Variants in GRM2 observed in about 807,000 individuals in gnomAD.
GRM2 encodes the protein glutamate metabotropic receptor 2, also known as metabotropic glutamate receptor 2.
A neutral mutation model predicts 60.4 loss-of-function variants in GRM2; 35 were observed. The observed-to-expected ratio is 0.58, with a 90% confidence interval of 0.44 to 0.77. The LOEUF is 0.77. Among genes scored for constraint, GRM2 ranks in the 30% least tolerant of loss-of-function variants. GRM2 has a pLI of 0.00. For synonymous variants in GRM2, 437 were observed against 484.1 expected, an observed-to-expected ratio of 0.90 and a Z score of 1.28; for missense variants, 925 against 1,199.5, an observed-to-expected ratio of 0.77 and a Z score of 3.38.
rs774169210 is a variant in GRM2 at position 51,713,081 on chromosome 3, C to T, written c.1059C>T (p.Phe353=). 1 of 1,613,056 alleles carries T rather than the reference C, an allele frequency of 6.2e-7. No individual in the cohort carries two copies. The highest frequency in any genetic ancestry group is 8.5e-7 in the Non-Finnish European group (1 of 1,180,012). ...PWFREFWEQR[F]RCSFRQRDCA... ...TCCGTGAATTCTGGGAGCAGAGGTT[C>T]CGCTGCAGCTTCCGGCAGCGAGACT... Residue 353 remains phenylalanine, a synonymous_variant, in exon 3 of 6, where the codon TTC becomes TTT. Coordinates refer to ENST00000395052, the MANE Select transcript of GRM2 (RefSeq NM_000839.5). This position sits in a 1 kb window ranked among gnomAD's most constrained non-coding sequence, Gnocchi z 4.8.
Position 51,715,992 on chromosome 3 carries a change from C to T in GRM2, c.2219C>T (p.Ala740Val), listed in dbSNP as rs1047004122. 1.5e-5 allele frequency: 24 copies of T among 1,614,102 alleles called. No homozygotes were observed. Among genetic ancestry groups the T allele is most frequent in the South Asian group, 3.3e-5 (3 of 91,088 alleles). The change falls in exon 4 of 6, where the codon GCG becomes GTG. Residue 740 changes from alanine (A) to valine (V), a missense_variant. Ala to Val is a moderately conservative substitution (Grantham distance 64, BLOSUM62 0). Transcript: ENST00000395052. The surrounding 1 kb of genome is among the most constrained non-coding windows in gnomAD (Gnocchi z 9.0). ...GSLAYNVLLI[A>V]LCTLYAFKTR... is the part of the protein sequence containing the mutation. ...CTGGCCTACAATGTGCTCCTCATCG[C>T]GCTCTGCACGCTTTATGCCTTCAAG...
At position 51,718,467 on chromosome 3, in the gene GRM2, C is replaced by A. The variant is rs556537388; in HGVS notation, c.*355C>A. ...GGTGCTTCCAGCCCAGCCCCTCCCC[C>A]CAACTAGGGCCTTTTTTATTTTTTA... is the stretch of plus-strand genomic sequence containing the variant. On this transcript the variant is annotated 3_prime_UTR_variant, in exon 6 of 6. Coordinates refer to ENST00000395052, the MANE Select transcript of GRM2 (RefSeq NM_000839.5). This position sits in a 1 kb window ranked among gnomAD's most constrained non-coding sequence, Gnocchi z 4.2. 7.8e-5 allele frequency: 20 copies of A among 255,170 alleles called. No homozygotes were observed. Among genetic ancestry groups the A allele is most frequent in the East Asian group, 6.9e-4 (8 of 11,520 alleles). 15.8% of individuals were successfully genotyped at this position (255,170 alleles called of 1,614,324 possible). A position where few individuals can be genotyped will look rare whatever the true frequency, so the allele number is the denominator to read the frequency against.
chr3:51,714,427 C>G (rs1703824447), intron 3 of GRM2: 1 of 153,428 alleles, frequency 6.5e-6, no homozygotes, highest in Non-Finnish European at 1.4e-5. Context: ...TAAATCCTGG[C>G]TAGAGCCTGG....
Position 51,716,271 on chromosome 3 carries a change from A to G in GRM2, c.2364+134A>G, listed in dbSNP as rs1264522021. 3.0e-6 allele frequency: 2 copies of G among 656,386 alleles called. No individual in the cohort carries two copies. Among genetic ancestry groups the G allele is most frequent in the African/African-American group, 1.8e-5 (1 of 55,108 alleles). 40.7% of individuals were successfully genotyped at this position (656,386 alleles called of 1,614,324 possible). On this transcript the variant is annotated intron_variant, in intron 4 of 5. Coordinates refer to ENST00000395052, the MANE Select transcript of GRM2 (RefSeq NM_000839.5). The surrounding 1 kb of genome is among the most constrained non-coding windows in gnomAD (Gnocchi z 4.0). The stretch of plus-strand genomic sequence containing the variant: ...ACTCAGGGGACCACAGCTTGTGTGG[A>G]TCCCAAGGGGAAGGTGGGAGGGCTG...
rs1207998527 is a variant in GRM2, at chr3:51,715,098, G to T, written c.1325G>T (p.Arg442Leu). ...FRPADTHNEV[R>L]FDRFGDGIGR... Reference sequence around the variant, plus strand: ...CCAGCTGACACCCACAATGAGGTCCGCTTTGACCGCTTTGGTGATGGTATT... The same window carrying T: ...CCAGCTGACACCCACAATGAGGTCCTCTTTGACCGCTTTGGTGATGGTATT... The change falls in exon 4 of 6, where the codon CGC (arginine) becomes CTC (leucine). Residue 442 changes from arginine to leucine, a missense_variant. By Grantham distance (102) the Arg-to-Leu change is moderately radical. Transcript: ENST00000395052. The surrounding 1 kb of genome is among the most constrained non-coding windows in gnomAD (Gnocchi z 9.0). 6.3e-7 allele frequency: 1 copy of T among 1,582,462 alleles called. No individual in the cohort carries two copies. Among genetic ancestry groups the T allele is most frequent in the Non-Finnish European group, 8.6e-7 (1 of 1,161,698 alleles).
At chr3:51,709,523 G>A in intron 2 of GRM2, 90 bp downstream of exon 2, 1 of 912,976 alleles carries the variant, frequency 1.1e-6, no homozygotes. Context: ...ATGGGCTGCT[G>A]TGAATTGGAA....
At position 51,718,057 on chromosome 3, in the gene GRM2, TC is replaced by T; in HGVS notation, c.2568del (p.Thr857LeufsTer24). The T allele has an allele frequency of 1.9e-6, 3 of 1,614,130 alleles. No homozygotes were observed. The highest frequency in any genetic ancestry group is 1.3e-5 in the African/African-American group (1 of 75,022). ...TTCTTAGGGTCTGGCTCCCAGTTTG[TC>T]CCCACTGTTTGCAATGGCCGTGAGG... The part of the protein sequence containing the change: ...SLGQGSGSQF[V>X]PTVCNGREVV... On this transcript the variant is annotated frameshift_variant, in exon 6 of 6. Transcript: ENST00000395052. LOFTEE classifies it high-confidence loss of function. The surrounding 1 kb of genome is among the most constrained non-coding windows in gnomAD (Gnocchi z 4.2).
In GRM2 at chr3:51,715,016, G is replaced by A; in HGVS notation, c.1289-46G>A. ...GGGTGAATGTTGAGGTCACATCAGGGTAACACACTAGTCCAACCTTCTCTT... is the reference window on the plus strand; with the variant it reads ...GGGTGAATGTTGAGGTCACATCAGGATAACACACTAGTCCAACCTTCTCTT... On this transcript the variant is annotated intron_variant, in intron 3 of 5. Coordinates refer to ENST00000395052, the MANE Select transcript of GRM2 (RefSeq NM_000839.5). This position sits in a 1 kb window ranked among gnomAD's most constrained non-coding sequence, Gnocchi z 9.0. 2 of 1,235,250 alleles carry A rather than the reference G, an allele frequency of 1.6e-6. No individual in the cohort carries two copies. Among genetic ancestry groups the A allele is most frequent in the Non-Finnish European group, 2.3e-6 (2 of 871,252 alleles). 76.5% of individuals were successfully genotyped at this position (1,235,250 alleles called of 1,614,324 possible). A position where few individuals can be genotyped will look rare whatever the true frequency, so the allele number is the denominator to read the frequency against.
At position 51,713,455 on chromosome 3, in the gene GRM2, A is replaced by G. The variant is rs1264252580; in HGVS notation, c.1288+145A>G. ...GGGTGGCGTCAGAGCAAGGGCAAGGATGCTAGGCAGAGAGGACTCCAACTG... is the reference window on the plus strand; with the variant it reads ...GGGTGGCGTCAGAGCAAGGGCAAGGGTGCTAGGCAGAGAGGACTCCAACTG... On this transcript the variant is annotated intron_variant, in intron 3 of 5. Transcript: ENST00000395052. The surrounding 1 kb of genome is among the most constrained non-coding windows in gnomAD (Gnocchi z 4.8). The G allele has an allele frequency of 1.6e-6, 1 of 635,014 alleles. No individual in the cohort carries two copies. Among genetic ancestry groups the G allele is most frequent in the Non-Finnish European group, 2.7e-6 (1 of 364,450 alleles). 39.3% of individuals were successfully genotyped at this position (635,014 alleles called of 1,614,324 possible).
Position 51,717,962 on chromosome 3 carries a change from A to G in GRM2, c.2546-77A>G. ...GGAGAGGGGAGGGGAGGCTTCCCTCACAGCCCTGCTTCCCCACTGCCTGCC... is the reference window on the plus strand; with the variant it reads ...GGAGAGGGGAGGGGAGGCTTCCCTCGCAGCCCTGCTTCCCCACTGCCTGCC... On this transcript the variant is annotated intron_variant, in intron 5 of 5. Transcript: ENST00000395052. The surrounding 1 kb of genome is among the most constrained non-coding windows in gnomAD (Gnocchi z 6.0). 6.8e-7 allele frequency: 1 copy of G among 1,465,844 alleles called. No homozygotes were observed. The highest frequency in any genetic ancestry group is 1.1e-5 in the South Asian group (1 of 88,172). 90.8% of individuals were successfully genotyped at this position (1,465,844 alleles called of 1,614,324 possible). A position where few individuals can be genotyped will look rare whatever the true frequency, so the allele number is the denominator to read the frequency against.
rs777046936 is a variant in GRM2, at chr3:51,713,100, C to G, written c.1078C>G (p.Arg360Gly). Residue 360 changes from arginine to glycine, a missense_variant, in exon 3 of 6, where the codon CGA (arginine) becomes GGA (glycine). By Grantham distance (125) the Arg-to-Gly change is moderately radical. Coordinates refer to ENST00000395052, the MANE Select transcript of GRM2 (RefSeq NM_000839.5). This position sits in a 1 kb window ranked among gnomAD's most constrained non-coding sequence, Gnocchi z 4.8. ...EQRFRCSFRQ[R>G]DCAAHSLRAV... ...GAGGTTCCGCTGCAGCTTCCGGCAG[C>G]GAGACTGCGCAGCCCACTCTCTCCG... 1 of 1,613,136 alleles carries G rather than the reference C, an allele frequency of 6.2e-7. No individual in the cohort carries two copies. Among genetic ancestry groups the G allele is most frequent in the Admixed American group, 1.7e-5 (1 of 60,024 alleles).
intron 3 of GRM2, chr3:51,714,194 G>T (rs138017709): frequency 1.8e-5 from 4 of 227,684 alleles, no homozygotes; most frequent in African/African-American, 9.3e-5. Flanking sequence ...TCTGGGGTCC[G>T]ATTTGGTTGA....
In GRM2 at chr3:51,718,532, G is replaced by C. The variant is rs539207150; in HGVS notation, c.*420G>C. On this transcript the variant is annotated 3_prime_UTR_variant, in exon 6 of 6. Coordinates refer to ENST00000395052, the MANE Select transcript of GRM2 (RefSeq NM_000839.5). This position sits in a 1 kb window ranked among gnomAD's most constrained non-coding sequence, Gnocchi z 4.2. ...GGATGGGGAGGGTGGTTATTGTGGG[G>C]GCTGCCCCTCCCCCTGCACAGTAGT... 20 of 187,702 alleles carry C rather than the reference G, an allele frequency of 1.1e-4. No homozygotes were observed. Among genetic ancestry groups the C allele is most frequent in the Non-Finnish European group, 2.1e-4 (19 of 90,364 alleles). The allele number at this position is 187,702 out of a possible 1,614,324, so 11.6% of individuals were successfully genotyped here. A position where few individuals can be genotyped will look rare whatever the true frequency, so the allele number is the denominator to read the frequency against.
At position 51,709,303 on chromosome 3, in the gene GRM2, G is replaced by A. The variant is rs1703608928; in HGVS notation, c.320G>A (p.Arg107His). 4 of 1,602,948 alleles carry A rather than the reference G, an allele frequency of 2.5e-6. No homozygotes were observed. The highest frequency in any genetic ancestry group is 1.7e-5 in the Admixed American group (1 of 59,836). ...HALEQALDFV[R>H]ASLSRGADGS... is the part of the protein sequence containing the mutation. ...CTGGAGCAGGCACTGGACTTTGTGC[G>A]TGCCTCACTCAGCCGTGGTGCTGAT... The change falls in exon 2 of 6, where the codon CGT becomes CAT. Residue 107 changes from arginine to histidine, a missense_variant. Physicochemically the swap from Arg to His is conservative, Grantham distance 29. Transcript: ENST00000395052.
Position 51,715,829 on chromosome 3 carries a change from C to T in GRM2, c.2056C>T (p.Leu686Phe), listed in dbSNP as rs1470653636. 4 of 1,613,360 alleles carry T rather than the reference C, an allele frequency of 2.5e-6. No homozygotes were observed. Among genetic ancestry groups the T allele is most frequent in the Non-Finnish European group, 3.4e-6 (4 of 1,179,960 alleles). ...PASQVAICLA[L>F]ISGQLLIVVA... The stretch of plus-strand genomic sequence containing the variant: ...CTCACAGGTGGCCATCTGCCTGGCA[C>T]TTATCTCGGGCCAGCTGCTCATCGT... The change falls in exon 4 of 6, where the codon CTT (leucine) becomes TTT (phenylalanine). Residue 686 changes from leucine (L) to phenylalanine (F), a missense_variant. Coordinates refer to ENST00000395052, the MANE Select transcript of GRM2 (RefSeq NM_000839.5). The surrounding 1 kb of genome is among the most constrained non-coding windows in gnomAD (Gnocchi z 9.0).
In GRM2 at chr3:51,713,436, C is replaced by T. The variant is rs1455184441; in HGVS notation, c.1288+126C>T. 3 of 706,616 alleles carry T rather than the reference C, an allele frequency of 4.2e-6. No individual in the cohort carries two copies. Among genetic ancestry groups the T allele is most frequent in the African/African-American group, 1.8e-5 (1 of 55,762 alleles). The allele number at this position is 706,616 out of a possible 1,614,324, so 43.8% of individuals were successfully genotyped here. ...AAAGTAAAGGACTCACCTGGGGTGG[C>T]GTCAGAGCAAGGGCAAGGATGCTAG... On this transcript the variant is annotated intron_variant, in intron 3 of 5. Coordinates refer to ENST00000395052, the MANE Select transcript of GRM2 (RefSeq NM_000839.5). This position sits in a 1 kb window ranked among gnomAD's most constrained non-coding sequence, Gnocchi z 4.8.
Position 51,713,294 on chromosome 3 carries a change from C to T in GRM2, c.1272C>T (p.Leu424=). 1 of 1,607,092 alleles carries T rather than the reference C, an allele frequency of 6.2e-7. No homozygotes were observed. Among genetic ancestry groups the T allele is most frequent in the African/African-American group, 1.3e-5 (1 of 74,952 alleles). ...GCCGCCTCTACAAGGACTTTGTGCT[C>T]AACGTCAAGTTTGATGGTAATGGTG... is the stretch of plus-strand genomic sequence containing the variant. The part of the protein sequence containing the change: ...NGRRLYKDFV[L]NVKFDAPFRP... The change falls in exon 3 of 6, where the codon CTC becomes CTT. Residue 424 remains leucine (L), a synonymous_variant. Coordinates refer to ENST00000395052, the MANE Select transcript of GRM2 (RefSeq NM_000839.5). The surrounding 1 kb of genome is among the most constrained non-coding windows in gnomAD (Gnocchi z 4.8).
chr3:51,711,637 C>T (rs566845182), intron 2 of GRM2: 145 of 152,416 alleles, frequency 9.5e-4, no homozygotes, highest in African/African-American at 3.3e-3. Flanking sequence ...CATGCATTAT[C>T]GTTTTTATCC....
At chr3:51,714,910 G>T (rs1342654332) in intron 3 of GRM2, 152 bp from the exon 4 acceptor site, 5 of 491,468 alleles carry the variant, frequency 1.0e-5, no homozygotes, top group Non-Finnish European at 1.8e-5. Context: ...AAATGATTGG[G>T]GTCAAGGCAG....
Sources: gnomAD v4.1 joint callset for allele counts on GRCh38, gnomAD v4.1.1 for gene constraint, Gnocchi (gnomAD v3.1) non-coding constraint, MANE v1.5 for transcripts, NCBI Gene and HGNC (gene_info 2026-07-23, HGNC 2026-07-21) for gene names.